The following FSTL4 variants were observed in gnomAD, a reference collection of about 807,000 sequenced individuals.
FSTL4 encodes follistatin-related protein 4.
In FSTL4, 28 loss-of-function variants were observed where a neutral mutation model predicts 78.2. The ratio of observed to expected loss-of-function variants is 0.36; its 90% CI spans 0.27 to 0.49. FSTL4 has a LOEUF of 0.49. Among genes scored for constraint, FSTL4 ranks in the 20% least tolerant of loss-of-function variants. FSTL4 has a pLI of 0.98. For synonymous variants in FSTL4, 422 were observed against 440.5 expected, an observed-to-expected ratio of 0.96 and a Z score of 0.53; for missense variants, 922 against 1,084.9, an observed-to-expected ratio of 0.85 and a Z score of 2.11.
At chr5:133,423,756 T>A (rs1173458697) in intron 3 of FSTL4, among the ~76,000 whole-genome samples, 1 of 152,126 alleles carries the variant, frequency 6.6e-6, no homozygotes, top group Non-Finnish European at 1.5e-5. Flanking sequence ...CCTCTGAGAA[T>A]GAGTACAGAC....
the FSTL4 span, among the ~76,000 whole-genome samples, chr5:133,647,557 A>C: frequency 6.6e-6 from 1 of 152,162 alleles, no homozygotes. Context: ...TCTGAAGAAT[A>C]ATCTCCCAAA....
chr5:133,841,632 C>T, the FSTL4 span, among the ~76,000 whole-genome samples: 16 of 152,308 alleles, frequency 1.1e-4, no homozygotes, highest in South Asian at 2.7e-3. Flanking sequence ...CAGTAGAGGA[C>T]GGTAAGGCTC....
chr5:133,765,819 T>C, the FSTL4 span, among the ~76,000 whole-genome samples: 2 of 152,162 alleles, frequency 1.3e-5, no homozygotes, highest in Non-Finnish European at 2.9e-5. Context: ...GCCATTACCC[T>C]GAAAATTCAT....
At chr5:133,220,067 T>TC (rs1285198581) in intron 12 of FSTL4, among the ~76,000 whole-genome samples, 1 of 152,214 alleles carries the variant, frequency 6.6e-6, no homozygotes, top group Non-Finnish European at 1.5e-5. Context: ...CAAGCCCACT[T>TC]CCTCCATGGG....
chr5:133,791,986 C>G, the FSTL4 span, among the ~76,000 whole-genome samples: 1 of 152,224 alleles, frequency 6.6e-6, no homozygotes, highest in Non-Finnish European at 1.5e-5. Context: ...AGTTGGCATG[C>G]CTTTGCATCA....
chr5:133,554,746 C>A (rs1231123580), intron 3 of FSTL4, among the ~76,000 whole-genome samples: 1 of 152,208 alleles, frequency 6.6e-6, no homozygotes, highest in Non-Finnish European at 1.5e-5. Context: ...TCAAAGCACA[C>A]TCACAATGAA....
chr5:133,288,740 C>A (rs1314346964), intron 6 of FSTL4, among the ~76,000 whole-genome samples: 1 of 152,190 alleles, frequency 6.6e-6, no homozygotes, highest in Non-Finnish European at 1.5e-5. Flanking sequence ...GTGAAAAGGG[C>A]TCTGGCCTCG....
chr5:133,802,521 C>T, the FSTL4 span, among the ~76,000 whole-genome samples: 1 of 152,194 alleles, frequency 6.6e-6, no homozygotes, highest in Admixed American at 6.5e-5. Context: ...CCCCAGTCAG[C>T]CTGCAGGGCG....
At chr5:133,799,389 A>G in the FSTL4 span, among the ~76,000 whole-genome samples, 1 of 138,510 alleles carries the variant, frequency 7.2e-6, no homozygotes, top group African/African-American at 2.7e-5. Flanking sequence ...TCACTAAAGC[A>G]TCCCACGGTG....
At chr5:133,240,041 T>G (rs1279642878) in intron 7 of FSTL4, among the ~76,000 whole-genome samples, 1 of 152,230 alleles carries the variant, frequency 6.6e-6, no homozygotes, top group African/African-American at 2.4e-5. Context: ...CTTTTGCTCT[T>G]TGCAATAAAT....
At chr5:133,403,455 G>T (rs183210837) in intron 3 of FSTL4, among the ~76,000 whole-genome samples, 1 of 152,322 alleles carries the variant, frequency 6.6e-6, no homozygotes, top group East Asian at 1.9e-4. Flanking sequence ...GCCTCAGGAG[G>T]TCCCACAGGT....
At chr5:133,222,341 C>T (rs1581540809) in intron 11 of FSTL4, among the ~76,000 whole-genome samples, 1 of 152,156 alleles carries the variant, frequency 6.6e-6, no homozygotes. Flanking sequence ...AAGAGTCAGT[C>T]TTAGCTCCAC....
At chr5:133,418,508 G>A (rs1388656117) in intron 3 of FSTL4, among the ~76,000 whole-genome samples, 17 of 151,414 alleles carry the variant, frequency 1.1e-4, no homozygotes, top group Admixed American at 6.6e-5. Flanking sequence ...GAAAAAAATC[G>A]ACAAGCTATT....
At chr5:133,337,170 G>C (rs1754482099) in intron 4 of FSTL4, among the ~76,000 whole-genome samples, 3 of 152,236 alleles carry the variant, frequency 2.0e-5, no homozygotes, top group Non-Finnish European at 4.4e-5. Flanking sequence ...ACCAGCATGG[G>C]GCTGTGGTGG....
the FSTL4 span, among the ~76,000 whole-genome samples, chr5:133,622,398 A>C: frequency 6.6e-6 from 1 of 152,190 alleles, no homozygotes; most frequent in East Asian, 1.9e-4. Flanking sequence ...ATCTATGCCC[A>C]TGAGTACAAT....
intron 3 of FSTL4, among the ~76,000 whole-genome samples, chr5:133,524,088 G>A (rs1459183881): frequency 6.6e-6 from 1 of 152,214 alleles, no homozygotes; most frequent in African/African-American, 2.4e-5. Context: ...CGCTCAGGGA[G>A]AGGGGACAGC....
chr5:133,721,449 C>A, the FSTL4 span, among the ~76,000 whole-genome samples: 4 of 152,200 alleles, frequency 2.6e-5, no homozygotes, highest in Admixed American at 2.0e-4. Context: ...TTAAGCATTT[C>A]TTGTAGGGCA....
the FSTL4 span, among the ~76,000 whole-genome samples, chr5:133,811,788 C>A: frequency 6.6e-6 from 1 of 152,198 alleles, no homozygotes; most frequent in Non-Finnish European, 1.5e-5. Flanking sequence ...CCATCCAGAT[C>A]TGCAGTTGTA....
chr5:133,206,985 C>T (rs1380171799), intron 14 of FSTL4, among the ~76,000 whole-genome samples: 1 of 151,984 alleles, frequency 6.6e-6, no homozygotes, highest in East Asian at 1.9e-4. Context: ...CTTTTAATTT[C>T]CTCTTTGATC....
Sources: gnomAD v4.1 joint callset for allele counts (sites outside exome capture counted in the v4.1 genomes callset) on GRCh38, gnomAD v4.1.1 for gene constraint, MANE v1.5 for transcripts, NCBI Gene and HGNC (gene_info 2026-07-23, HGNC 2026-07-21) for gene names.